The following SORCS1 variants were observed in gnomAD, a reference collection of about 807,000 sequenced individuals.
The protein encoded by SORCS1 is VPS10 domain-containing receptor SorCS1.
SORCS1 carries 60 observed loss-of-function variants against 146.1 expected under a neutral mutation model. That is an observed-to-expected ratio of 0.41 (90% CI 0.33 to 0.51). SORCS1 has a LOEUF of 0.51. Among genes scored for constraint, SORCS1 ranks in the 20% least tolerant of loss-of-function variants. The pLI is 0.21. For synonymous variants in SORCS1, 637 were observed against 584.0 expected (o/e 1.09, Z -1.31); for missense variants, 1,352 against 1,487.6 (o/e 0.91, Z 1.50).
At chr10:106,969,010 T>A (rs1955641593) in intron 1 of SORCS1, among the ~76,000 whole-genome samples, 1 of 152,176 alleles carries the variant, frequency 6.6e-6, no homozygotes, top group Non-Finnish European at 1.5e-5. Flanking sequence ...GAGACACAAT[T>A]TGCCTAAAAG....
At chr10:106,605,833 A>G (rs1846537563) in intron 23 of SORCS1, among the ~76,000 whole-genome samples, 1 of 152,154 alleles carries the variant, frequency 6.6e-6, no homozygotes, top group Non-Finnish European at 1.5e-5. Flanking sequence ...GCCAAGTGAA[A>G]AAGTGGCAGC....
chr10:106,717,379 T>C (rs1431487733), intron 6 of SORCS1, among the ~76,000 whole-genome samples: 1 of 152,190 alleles, frequency 6.6e-6, no homozygotes, highest in Non-Finnish European at 1.5e-5. Context: ...CAGCTAGAAA[T>C]TGAGAATGTC....
intron 12 of SORCS1, among the ~76,000 whole-genome samples, chr10:106,677,751 G>A (rs567787755): frequency 3.7e-4 from 57 of 152,232 alleles, no homozygotes; most frequent in South Asian, 8.3e-4. Context: ...TAGACAGAGG[G>A]AACCTTAGAA....
At chr10:106,901,676 C>T (rs1184387704) in intron 2 of SORCS1, among the ~76,000 whole-genome samples, 2 of 152,218 alleles carry the variant, frequency 1.3e-5, no homozygotes, top group Non-Finnish European at 2.9e-5. Context: ...CTCAAGTGAT[C>T]TGCTCACCTT....
intron 2 of SORCS1, among the ~76,000 whole-genome samples, chr10:106,892,162 T>C (rs199959365): frequency 6.6e-6 from 1 of 152,214 alleles, no homozygotes; most frequent in East Asian, 1.9e-4. Flanking sequence ...TTGAATGAAA[T>C]GGACCGAGAT....
intron 1 of SORCS1, among the ~76,000 whole-genome samples, chr10:107,095,716 G>A (rs1014724931): frequency 3.3e-5 from 5 of 152,066 alleles, no homozygotes; most frequent in African/African-American, 9.7e-5. Flanking sequence ...ATTTATCAGT[G>A]CTGAATTTTA....
At chr10:106,914,533 T>A (rs929344156) in intron 2 of SORCS1, among the ~76,000 whole-genome samples, 1 of 152,166 alleles carries the variant, frequency 6.6e-6, no homozygotes, top group African/African-American at 2.4e-5. Flanking sequence ...CAAGTAAGAC[T>A]GTGAAATAAA....
At chr10:106,593,905 G>A (rs1213942748) in intron 24 of SORCS1, among the ~76,000 whole-genome samples, 1 of 152,172 alleles carries the variant, frequency 6.6e-6, no homozygotes, top group African/African-American at 2.4e-5. Context: ...TTCTTCCCAG[G>A]AGTCTTAGTC....
Position 106,956,651 on chromosome 10 carries a change from G to A in SORCS1, c.559-71C>T, listed in dbSNP as rs532717559. On this transcript the variant is annotated intron_variant, in intron 1 of 25. Coordinates refer to ENST00000263054, the MANE Select transcript of SORCS1 (RefSeq NM_052918.5). Reference sequence around the variant, plus strand: ...TCTCTTAGAACTGAAATGGCCCAAGGGAGGGCTTAGGATTCCTTTAATAGT... The same window carrying A: ...TCTCTTAGAACTGAAATGGCCCAAGAGAGGGCTTAGGATTCCTTTAATAGT... The A allele has an allele frequency of 1.7e-5, 22 of 1,282,102 alleles. 1 individual carries two copies. In the East Asian group the frequency reaches 1.9e-4, roughly 11 times the overall value. The allele number at this position is 1,282,102 out of a possible 1,614,324, so 79.4% of individuals were successfully genotyped here.
chr10:106,791,690 A>G (rs1048613562), intron 3 of SORCS1, among the ~76,000 whole-genome samples: 3 of 152,104 alleles, frequency 2.0e-5, no homozygotes, highest in Admixed American at 1.3e-4. Context: ...AGAGCAAGAC[A>G]TTATTTCGAC....
intron 1 of SORCS1, among the ~76,000 whole-genome samples, chr10:106,987,688 T>G (rs1347620602): frequency 6.6e-6 from 1 of 152,198 alleles, no homozygotes; most frequent in Non-Finnish European, 1.5e-5. Context: ...CCCTCTCCAG[T>G]GCCCTCAAAG....
rs33997815 is a variant in SORCS1 at position 106,797,367 on chromosome 10, C to CTTCT, written c.727-20676_727-20675insAGAA. Among the ~76,000 whole-genome samples, 668 of 151,966 alleles carry CTTCT rather than the reference C, an allele frequency of 4.4e-3. 8 individuals carry two copies. Among genetic ancestry groups the CTTCT allele is most frequent in the African/African-American group, 0.016 (656 of 41,436 alleles). On this transcript the variant is annotated intron_variant, in intron 3 of 25. Coordinates refer to ENST00000263054, the MANE Select transcript of SORCS1 (RefSeq NM_052918.5). ...AAATATATCATTTGCCTAAATTTCTCTAAGACTGAAAAGTAAACTACATGA... is the reference window on the plus strand; with the variant it reads ...AAATATATCATTTGCCTAAATTTCTCTTCTTAAGACTGAAAAGTAAACTACATGA...
intron 5 of SORCS1, among the ~76,000 whole-genome samples, chr10:106,749,464 C>A (rs1452749167): frequency 6.6e-6 from 1 of 152,160 alleles, no homozygotes; most frequent in Non-Finnish European, 1.5e-5. Context: ...TAAGCAGCTG[C>A]AAGCCCCTTT....
chr10:107,103,860 A>G (rs900302979), intron 1 of SORCS1, among the ~76,000 whole-genome samples: 7 of 152,190 alleles, frequency 4.6e-5, no homozygotes, highest in African/African-American at 1.7e-4. Context: ...ACCCGTGGCC[A>G]CTGCCGTGGG....
chr10:107,125,990 G>A (rs1411463576), intron 1 of SORCS1, among the ~76,000 whole-genome samples: 1 of 151,972 alleles, frequency 6.6e-6, no homozygotes, highest in African/African-American at 2.4e-5. Flanking sequence ...TAACGTGTTG[G>A]GCAAATGTCT....
chr10:106,602,710 C>T lies in SORCS1; in HGVS notation c.3165+4456G>A, dbSNP rs113327636. Among the ~76,000 whole-genome samples the T allele has an allele frequency of 2.4e-3, 372 of 152,224 alleles. 2 individuals carry two copies. The highest frequency in any genetic ancestry group is 8.5e-3 in the African/African-American group (353 of 41,534). ...TCCTCCTGACACATTTGCTCTGGTC[C>T]ACCTCTTACCTCCTCCACTTTTGGT... On this transcript the variant is annotated intron_variant, in intron 23 of 25. Transcript: ENST00000263054.
intron 1 of SORCS1, among the ~76,000 whole-genome samples, chr10:107,047,915 T>TAA (rs550354714): frequency 6.7e-6 from 1 of 148,266 alleles, no homozygotes; most frequent in East Asian, 2.0e-4. Flanking sequence ...ACCCTGTCTC[T>TAA]AAAAAAAAAA....
At chr10:106,939,029 G>A (rs1009648246) in intron 2 of SORCS1, among the ~76,000 whole-genome samples, 1 of 152,216 alleles carries the variant, frequency 6.6e-6, no homozygotes, top group Admixed American at 6.5e-5. Flanking sequence ...GAAGAGAATA[G>A]TGTAAATTCT....
At chr10:107,068,477 G>A (rs955148054) in intron 1 of SORCS1, among the ~76,000 whole-genome samples, 6 of 152,140 alleles carry the variant, frequency 3.9e-5, no homozygotes, top group African/African-American at 1.4e-4. Flanking sequence ...TTTTCTGAAG[G>A]TTAAGTGACC....
Sources: allele counts gnomAD v4.1 joint callset (sites outside exome capture counted in the v4.1 genomes callset), GRCh38; gene constraint gnomAD v4.1.1; transcripts MANE v1.5; gene names NCBI Gene and HGNC (gene_info 2026-07-23, HGNC 2026-07-21).